Variants in CDS1 observed in about 807,000 individuals in gnomAD.
CDS1 encodes the protein CDP-diacylglycerol synthase 1, also known as phosphatidate cytidylyltransferase 1.
A neutral mutation model predicts 62.1 loss-of-function variants in CDS1; 41 were observed. The observed-to-expected ratio is 0.66, with a 90% CI of 0.51 to 0.86. CDS1 has a LOEUF of 0.86. Ranked by LOEUF, CDS1 falls within the 40% of genes least tolerant of loss-of-function variation. The probability of loss-of-function intolerance (pLI) is 0.00; values close to 1 mark genes in which losing one functional copy is unlikely to be tolerated. For missense variants in CDS1, 470 were observed against 550.1 expected (o/e 0.85, Z 1.46); for synonymous variants, 185 against 192.6 (o/e 0.96, Z 0.32).
At chr4:84,599,229 A>T (rs1237082826) in intron 1 of CDS1, among the ~76,000 whole-genome samples, 1 of 151,910 alleles carries the variant, frequency 6.6e-6, no homozygotes, top group Non-Finnish European at 1.5e-5. Flanking sequence ...AAGGGCACCA[A>T]ACCCATTTGT....
Position 84,643,080 on chromosome 4 carries a change from A to C in CDS1, c.1089A>C (p.Ala363=). Residue 363 remains alanine, a synonymous_variant, in exon 11 of 13, where the codon GCA becomes GCC. Transcript: ENST00000295887. Reference sequence around the variant, plus strand: ...ACAGCATTGCACTGTCAACCTTTGCATCTTTAATTGGCCCATTTGGAGGCT... The same window carrying C: ...ACAGCATTGCACTGTCAACCTTTGCCTCTTTAATTGGCCCATTTGGAGGCT... ...QIHSIALSTF[A]SLIGPFGGFF... 2 of 1,613,332 alleles carry C rather than the reference A, an allele frequency of 1.2e-6. No homozygotes were observed. The highest frequency in any genetic ancestry group is 4.5e-5 in the East Asian group (2 of 44,870).
At chr4:84,583,984 G>A (rs1056222544) in intron 1 of CDS1, among the ~76,000 whole-genome samples, 1 of 152,122 alleles carries the variant, frequency 6.6e-6, no homozygotes, top group Non-Finnish European at 1.5e-5. Flanking sequence ...TTGGCTTCTC[G>A]CGCTGCCCCA....
chr4:84,585,758 A>T (rs1722394822), intron 1 of CDS1, among the ~76,000 whole-genome samples: 1 of 152,222 alleles, frequency 6.6e-6, no homozygotes, highest in South Asian at 2.1e-4. Context: ...TACTCCAGAT[A>T]ATTAGCAAGT....
Position 84,604,343 on chromosome 4 carries a change from A to T in CDS1, c.218A>T (p.Lys73Ile), listed in dbSNP as rs745637085. 4.3e-6 allele frequency: 7 copies of T among 1,613,298 alleles called. No individual in the cohort carries two copies. In the East Asian group the frequency reaches 1.6e-4, roughly 36 times the overall value. Residue 73 changes from lysine to isoleucine, a missense_variant, in exon 2 of 13, where the codon AAA (lysine) becomes ATA (isoleucine). Transcript: ENST00000295887. ...PSSDRTPEIL[K>I]KALSGLSSRW... is the part of the protein sequence containing the mutation. ...TCAGATAGAACCCCTGAGATTCTCAAAAAAGCTCTATCTGGTTTATCTTCA... is the reference window on the plus strand; with the variant it reads ...TCAGATAGAACCCCTGAGATTCTCATAAAAGCTCTATCTGGTTTATCTTCA...
chr4:84,608,332 C>T (rs1441965870), intron 2 of CDS1, among the ~76,000 whole-genome samples: 3 of 152,146 alleles, frequency 2.0e-5, no homozygotes, highest in Admixed American at 2.0e-4. Flanking sequence ...CACCACTATG[C>T]CCGGCTAATT....
At chr4:84,614,181 G>GCT (rs1283718280) in intron 3 of CDS1, among the ~76,000 whole-genome samples, 5 of 152,110 alleles carry the variant, frequency 3.3e-5, no homozygotes, top group East Asian at 1.9e-4. Flanking sequence ...AGAGGCTGAG[G>GCT]CAGGAGGATC....
intron 8 of CDS1, among the ~76,000 whole-genome samples, chr4:84,635,653 T>C (rs1225611069): frequency 1.7e-3 from 205 of 119,306 alleles, no homozygotes; most frequent in African/African-American, 6.6e-3. Flanking sequence ...CTTCCTTCCT[T>C]CCTTCCTTCC....
rs1310424541 is a variant in CDS1 at position 84,619,433 on chromosome 4, G to C, written c.480G>C (p.Glu160Asp). 6.4e-7 allele frequency: 1 copy of C among 1,573,572 alleles called. No homozygotes were observed. Among genetic ancestry groups the C allele is most frequent in the South Asian group, 1.1e-5 (1 of 88,646 alleles). Residue 160 changes from glutamate to aspartate, a missense_variant, in exon 5 of 13, where the codon GAG becomes GAC. Glu to Asp is a conservative substitution (Grantham distance 45, BLOSUM62 2). Around this residue, in one of 5 missense-constraint regions of CDS1, gnomAD observed 34 missense variants for 64.8 expected, o/e 0.52. Transcript: ENST00000295887. ...GTGTAAACTACTTTTTCTATGGAGAGACTGTAGCTGATTATTTTGCTACAT... is the reference window on the plus strand; with the variant it reads ...GTGTAAACTACTTTTTCTATGGAGACACTGTAGCTGATTATTTTGCTACAT... ...LLCVNYFFYGETVADYFATFV... is the reference protein window; with the variant it reads ...LLCVNYFFYGDTVADYFATFV...
chr4:84,604,373 A>G lies in CDS1; in HGVS notation c.245+3A>G, dbSNP rs374585275. ...GCTCTATCTGGTTTATCTTCAAGGT[A>G]TGATTGGATGAAGATGAGTATATCT... On this transcript the variant is annotated splice_donor_region_variant and intron_variant, in intron 2 of 12. Transcript: ENST00000295887. The G allele has an allele frequency of 4.3e-6, 7 of 1,611,974 alleles. No homozygotes were observed. The Admixed American group carries it at 5.0e-5, about 12-fold the overall frequency.
At chr4:84,632,891 A>AG (rs1412180088) in intron 6 of CDS1, among the ~76,000 whole-genome samples, 1 of 152,236 alleles carries the variant, frequency 6.6e-6, no homozygotes, top group Non-Finnish European at 1.5e-5. Context: ...TGGGAGGCCA[A>AG]GGCAGGCGGA....
chr4:84,621,340 G>A (rs1560475742), intron 5 of CDS1, among the ~76,000 whole-genome samples: 1 of 152,058 alleles, frequency 6.6e-6, no homozygotes, highest in Non-Finnish European at 1.5e-5. Context: ...AATATACAGA[G>A]TATGTGGGGA....
At chr4:84,592,154 ATTTTTTTTTTTT>A (rs72236126) in intron 1 of CDS1, among the ~76,000 whole-genome samples, 54 of 86,062 alleles carry the variant, frequency 6.3e-4, no homozygotes, top group African/African-American at 2.5e-3. Context: ...TTAATGACCA[ATTTTTTTTTTTT>A]TTTTTTTTTT....
intron 12 of CDS1, 63 bp downstream of exon 12, chr4:84,645,388 A>AATGTTGAT: frequency 1.0e-6 from 1 of 976,320 alleles, no homozygotes; most frequent in Non-Finnish European, 1.6e-6. Flanking sequence ...CATCAACATT[A>AATGTTGAT]GTTTGAGTAA....
chr4:84,644,696 A>G (rs1724500843), intron 11 of CDS1, among the ~76,000 whole-genome samples: 1 of 152,212 alleles, frequency 6.6e-6, no homozygotes, highest in Non-Finnish European at 1.5e-5. Context: ...TTAATGGACT[A>G]ATGTGTCCCA....
Position 84,640,819 on chromosome 4 carries a change from G to GTTTTT in CDS1, c.880-15_880-14insTTTTT, listed in dbSNP as rs1252280320. 3.9e-6 allele frequency: 6 copies of GTTTTT among 1,523,880 alleles called. No homozygotes were observed. Among genetic ancestry groups the GTTTTT allele is most frequent in the Non-Finnish European group, 5.3e-6 (6 of 1,134,624 alleles). The allele number at this position is 1,523,880 out of a possible 1,614,324, so 94.4% of individuals were successfully genotyped here. A position where few individuals can be genotyped will look rare whatever the true frequency, so the allele number is the denominator to read the frequency against. On this transcript the variant is annotated intron_variant, in intron 9 of 12. Transcript: ENST00000295887. The stretch of plus-strand genomic sequence containing the variant: ...TTTGCTTTGTTTTTTGTTTTGTTTT[G>GTTTTT]TTTTGTTTTTAATATCAGGCTGCCT...
intron 1 of CDS1, among the ~76,000 whole-genome samples, chr4:84,598,703 G>T (rs1373978914): frequency 6.6e-6 from 1 of 152,060 alleles, no homozygotes; most frequent in East Asian, 1.9e-4. Context: ...TAACTTCGGG[G>T]CTCAAGAGGC....
At chr4:84,628,758 C>T (rs894104458) in intron 5 of CDS1, among the ~76,000 whole-genome samples, 1 of 152,096 alleles carries the variant, frequency 6.6e-6, no homozygotes, top group Non-Finnish European at 1.5e-5. Flanking sequence ...TGGTCTTGAA[C>T]TCATGGCCTC....
intron 8 of CDS1, among the ~76,000 whole-genome samples, chr4:84,635,679 CTT>C: frequency 4.5e-5 from 6 of 132,388 alleles, no homozygotes; most frequent in Admixed American, 1.6e-4. Context: ...TCCTTCCTTC[CTT>C]CCTTCCTTCC....
chr4:84,635,146 C>T (rs984304341), intron 7 of CDS1, 118 bp from the exon 8 acceptor site: 2 of 602,642 alleles, frequency 3.3e-6, no homozygotes, highest in African/African-American at 3.8e-5. Flanking sequence ...GGGTAGGCTG[C>T]AGTGCAATCC....
Sources: allele counts gnomAD v4.1 joint callset (sites outside exome capture counted in the v4.1 genomes callset), GRCh38; gene constraint gnomAD v4.1.1; regional missense constraint gnomAD v4.1.1; transcripts MANE v1.5; gene names NCBI Gene and HGNC (gene_info 2026-07-23, HGNC 2026-07-21).